PLA2G4E: variants seen among roughly 807,000 people sequenced by gnomAD.
PLA2G4E encodes the protein cytosolic phospholipase A2 epsilon.
In PLA2G4E, 84 loss-of-function variants were observed where a neutral mutation model predicts 109.1. The observed-to-expected ratio is 0.77, with a 90% CI of 0.65 to 0.92. The LOEUF is 0.92. Among genes scored for constraint, PLA2G4E ranks in the 40% least tolerant of loss-of-function variants. PLA2G4E has a pLI of 0.00. For synonymous variants in PLA2G4E, 469 were observed against 436.1 expected, an observed-to-expected ratio of 1.08 and a Z score of -0.94; for missense variants, 1,057 against 1,076.6, an observed-to-expected ratio of 0.98 and a Z score of 0.25.
chr15:42,014,714 C>G (rs2068571615), intron 1 of PLA2G4E, among the ~76,000 whole-genome samples: 1 of 152,202 alleles, frequency 6.6e-6, no homozygotes, highest in Non-Finnish European at 1.5e-5. Flanking sequence ...CCAGGTCCTT[C>G]TGGTCACTCT....
At position 41,997,093 on chromosome 15, in the gene PLA2G4E, G is replaced by A. The variant is rs1486883977; in HGVS notation, c.1110+31C>T. 7 of 1,536,370 alleles carry A rather than the reference G, an allele frequency of 4.6e-6. No homozygotes were observed. In the African/African-American group the frequency reaches 6.9e-5, roughly 15 times the overall value. Reference sequence around the variant, plus strand: ...GCATGGTGCTGGAAGGACCAGCTGGGCCCAGGCTGGCCACATCCCTGATTA... The same window carrying A: ...GCATGGTGCTGGAAGGACCAGCTGGACCCAGGCTGGCCACATCCCTGATTA... On this transcript the variant is annotated intron_variant, in intron 11 of 19. Transcript: ENST00000399518.
chr15:42,023,237 T>C (rs976705678), intron 1 of PLA2G4E, among the ~76,000 whole-genome samples: 1 of 151,860 alleles, frequency 6.6e-6, no homozygotes, highest in Non-Finnish European at 1.5e-5. Context: ...CTCTGCTCTC[T>C]GGAGGGCCAG....
intron 1 of PLA2G4E, among the ~76,000 whole-genome samples, chr15:42,036,300 C>T (rs947062702): frequency 1.3e-5 from 2 of 152,174 alleles, no homozygotes; most frequent in African/African-American, 4.8e-5. Flanking sequence ...AGCTGGGGAG[C>T]AGCGCGACTG....
At chr15:42,043,870 T>C (rs1017273803) in intron 1 of PLA2G4E, among the ~76,000 whole-genome samples, 2 of 152,182 alleles carry the variant, frequency 1.3e-5, no homozygotes, top group African/African-American at 4.8e-5. Context: ...ACCGTACATA[T>C]ACATCTGGCA....
At chr15:42,032,928 G>A (rs1391918427) in intron 1 of PLA2G4E, among the ~76,000 whole-genome samples, 1 of 152,310 alleles carries the variant, frequency 6.6e-6, no homozygotes, top group South Asian at 2.1e-4. Context: ...ATCCAGGGCA[G>A]GGGACTCCCC....
At chr15:41,987,553 C>T (rs964024784) in intron 16 of PLA2G4E, among the ~76,000 whole-genome samples, 178 bp from the exon 17 acceptor site, 1 of 152,062 alleles carries the variant, frequency 6.6e-6, no homozygotes, top group African/African-American at 2.4e-5. Flanking sequence ...AGGTGAGAGA[C>T]ATGGAGTAAG....
chr15:41,997,138 G>T, exon 11 of PLA2G4E: 1 of 1,569,332 alleles, frequency 6.4e-7, no homozygotes, highest in Non-Finnish European at 8.6e-7. Context: ...TCCTCCTGCA[G>T]GTCTTCCTCC....
intron 1 of PLA2G4E, among the ~76,000 whole-genome samples, chr15:42,037,301 G>A (rs1307086132): frequency 6.6e-6 from 1 of 152,234 alleles, no homozygotes; most frequent in Non-Finnish European, 1.5e-5. Flanking sequence ...ACCCATGGCT[G>A]CCCACGGACC....
chr15:42,028,073 C>T (rs528705752), intron 1 of PLA2G4E, among the ~76,000 whole-genome samples: 30 of 152,316 alleles, frequency 2.0e-4, no homozygotes, highest in East Asian at 7.7e-4. Context: ...AAATTAGTTA[C>T]GACACATTCA....
At chr15:42,015,791 C>T (rs2068587759) in intron 1 of PLA2G4E, among the ~76,000 whole-genome samples, 1 of 152,196 alleles carries the variant, frequency 6.6e-6, no homozygotes, top group African/African-American at 2.4e-5. Context: ...CTCTTCTGGT[C>T]CCTAGGGGCC....
intron 1 of PLA2G4E, among the ~76,000 whole-genome samples, chr15:42,019,256 T>G (rs2724935): frequency 0.86 from 130,229 of 152,250 alleles, 55,998 homozygotes; most frequent in South Asian, 0.95. Context: ...CTCAGCCTCC[T>G]CATTGGAGCT....
At chr15:41,982,449 G>C (rs1277024981) in exon 20 of PLA2G4E, 1 of 152,126 alleles carries the variant, frequency 6.6e-6, no homozygotes, top group Non-Finnish European at 1.5e-5. Flanking sequence ...ATTCTTCCCA[G>C]TTTCAGTCTC....
intron 13 of PLA2G4E, among the ~76,000 whole-genome samples, chr15:41,991,609 C>A (rs956623169): frequency 2.2e-4 from 34 of 152,122 alleles, no homozygotes; most frequent in African/African-American, 8.0e-4. Flanking sequence ...CAGCGCAGTT[C>A]CTGGCATGCA....
At chr15:42,032,109 C>T (rs1321241052) in intron 1 of PLA2G4E, among the ~76,000 whole-genome samples, 3 of 152,202 alleles carry the variant, frequency 2.0e-5, no homozygotes, top group Non-Finnish European at 4.4e-5. Context: ...TGCTCCCTGT[C>T]AGCCTTCTGC....
intron 1 of PLA2G4E, among the ~76,000 whole-genome samples, chr15:42,024,511 GC>G (rs1274046705): frequency 1.3e-5 from 2 of 152,196 alleles, no homozygotes; most frequent in African/African-American, 4.8e-5. Flanking sequence ...CACTGCCTCT[GC>G]CAGCAGACTC....
chr15:42,014,468 C>A (rs1429199427), intron 1 of PLA2G4E, among the ~76,000 whole-genome samples: 1 of 152,180 alleles, frequency 6.6e-6, no homozygotes, highest in Non-Finnish European at 1.5e-5. Context: ...TGGCACTCTC[C>A]TCCTACTGTC....
chr15:42,043,549 T>C (rs1595580341), intron 1 of PLA2G4E, among the ~76,000 whole-genome samples: 1 of 104,326 alleles, frequency 9.6e-6, no homozygotes, highest in African/African-American at 4.0e-5. Context: ...TTAGGGAGCA[T>C]GGTGATGGAG....
intron 6 of PLA2G4E, among the ~76,000 whole-genome samples, chr15:42,001,698 AT>A (rs1475652853): frequency 6.6e-6 from 1 of 151,990 alleles, no homozygotes; most frequent in Non-Finnish European, 1.5e-5. Flanking sequence ...CGAAATATGA[AT>A]TTTTGTTTTT....
intron 7 of PLA2G4E, 124 bp downstream of exon 7, chr15:42,001,033 T>C: frequency 1.0e-6 from 1 of 959,890 alleles, no homozygotes; most frequent in East Asian, 2.5e-5. Flanking sequence ...CTGAGGGGTT[T>C]CAGCCGAGCT....
Sources: allele counts gnomAD v4.1 joint callset (sites outside exome capture counted in the v4.1 genomes callset), GRCh38; gene constraint gnomAD v4.1.1; transcripts MANE v1.5; gene names NCBI Gene and HGNC (gene_info 2026-07-23, HGNC 2026-07-21).